Variants in KIAA1217 observed in about 807,000 individuals in gnomAD.
KIAA1217 encodes KIAA1217.
In KIAA1217, 88 loss-of-function variants were observed where a neutral mutation model predicts 163.9. That is an observed-to-expected ratio of 0.54 (90% CI 0.45 to 0.64). The LOEUF is 0.64. Ranked by LOEUF, KIAA1217 falls within the 30% of genes least tolerant of loss-of-function variation. The probability of loss-of-function intolerance (pLI) is 0.00; values close to 1 mark genes in which losing one functional copy is unlikely to be tolerated. For synonymous variants in KIAA1217, 903 were observed against 923.1 expected (o/e 0.98, Z 0.39); for missense variants, 2,372 against 2,475.0 (o/e 0.96, Z 0.88).
At chr10:23,892,900 TG>T (rs1050095917) in intron 1 of KIAA1217, among the ~76,000 whole-genome samples, 3 of 151,956 alleles carry the variant, frequency 2.0e-5, no homozygotes, top group African/African-American at 7.2e-5. Context: ...GGCTGCCTTA[TG>T]GTGCGGAAAA....
intron 2 of KIAA1217, among the ~76,000 whole-genome samples, chr10:24,121,636 T>G (rs1356916922): frequency 6.6e-6 from 1 of 152,232 alleles, no homozygotes; most frequent in Admixed American, 6.5e-5. Context: ...CATGAAAATT[T>G]TATTAGTATA....
chr10:23,906,040 G>C (rs56230337), intron 1 of KIAA1217, among the ~76,000 whole-genome samples: 17,472 of 152,058 alleles, frequency 0.11, 3,312 homozygotes, highest in African/African-American at 0.39. Flanking sequence ...TCTTGTTGCT[G>C]GTTCCTCACA....
Position 24,515,077 on chromosome 10 carries a change from A to T in KIAA1217, c.2177+1643A>T, listed in dbSNP as rs184248462. 4.5e-3 allele frequency among the ~76,000 whole-genome samples: 689 copies of T among 151,536 alleles called. 3 individuals are homozygous for T. The highest frequency in any genetic ancestry group is 0.015 in the African/African-American group (617 of 41,358). On this transcript the variant is annotated intron_variant, in intron 10 of 20. Coordinates refer to ENST00000376454, the MANE Select transcript of KIAA1217 (RefSeq NM_019590.5). ...TTTTCCAATAAAATTATGAAAAAAA[A>T]TTTTTTTGAGTTGGAGTCTTGCTCT... is the stretch of plus-strand genomic sequence containing the variant.
chr10:23,740,378 T>C (rs1275519766), intron 1 of KIAA1217, among the ~76,000 whole-genome samples: 3 of 152,110 alleles, frequency 2.0e-5, no homozygotes, highest in African/African-American at 7.2e-5. Context: ...GTTTTAGTTT[T>C]TGAAACAGGG....
At chr10:24,073,332 C>G (rs2061255482) in intron 2 of KIAA1217, among the ~76,000 whole-genome samples, 1 of 151,966 alleles carries the variant, frequency 6.6e-6, no homozygotes, top group Non-Finnish European at 1.5e-5. Context: ...GTTCACAGAG[C>G]TGTGGAAGAG....
chr10:23,724,410 C>T (rs1382633656), intron 1 of KIAA1217, among the ~76,000 whole-genome samples: 6 of 152,064 alleles, frequency 3.9e-5, no homozygotes, highest in Middle Eastern at 3.4e-3. Context: ...TTTAATTTTT[C>T]CTTCTGTGAA....
chr10:24,329,199 A>C (rs2045342608), intron 2 of KIAA1217, among the ~76,000 whole-genome samples: 1 of 147,840 alleles, frequency 6.8e-6, no homozygotes, highest in African/African-American at 2.5e-5. Context: ...CATAGTATAT[A>C]AATAGTGTAC....
chr10:24,309,038 A>T (rs1365040681), intron 2 of KIAA1217, among the ~76,000 whole-genome samples: 1 of 150,480 alleles, frequency 6.6e-6, no homozygotes, highest in Non-Finnish European at 1.5e-5. Context: ...TCGGAGGATC[A>T]CTTGAACCCA....
intron 2 of KIAA1217, among the ~76,000 whole-genome samples, chr10:24,263,718 G>A (rs1160152493): frequency 2.0e-5 from 3 of 152,066 alleles, no homozygotes; most frequent in Non-Finnish European, 4.4e-5. Flanking sequence ...GTTGAGTGGG[G>A]TTGTGTCTCT....
At chr10:24,271,051 G>A (rs1448830697) in intron 2 of KIAA1217, among the ~76,000 whole-genome samples, 1 of 152,170 alleles carries the variant, frequency 6.6e-6, no homozygotes, top group Non-Finnish European at 1.5e-5. Flanking sequence ...GAGGTTCAGT[G>A]TCATTGGAAA....
chr10:23,786,761 AC>A (rs1412512836), intron 1 of KIAA1217, among the ~76,000 whole-genome samples: 3 of 152,124 alleles, frequency 2.0e-5, no homozygotes, highest in Non-Finnish European at 4.4e-5. Context: ...GGCTCAGGGA[AC>A]CCAGAGAGCA....
intron 2 of KIAA1217, among the ~76,000 whole-genome samples, chr10:24,235,092 C>A (rs2072042633): frequency 6.6e-6 from 1 of 152,162 alleles, no homozygotes; most frequent in Non-Finnish European, 1.5e-5. Context: ...CTTTGGGGGA[C>A]CTCAGTCTTT....
At chr10:23,960,136 C>T (rs780216249) in intron 1 of KIAA1217, among the ~76,000 whole-genome samples, 1 of 151,554 alleles carries the variant, frequency 6.6e-6, no homozygotes, top group Non-Finnish European at 1.5e-5. Context: ...AGGGTGGTCT[C>T]GATCTCCTGA....
intron 4 of KIAA1217, 124 bp from the exon 5 acceptor site, chr10:24,438,262 G>A (rs573497274): frequency 2.9e-5 from 19 of 659,862 alleles, no homozygotes; most frequent in African/African-American, 1.1e-4. Flanking sequence ...TTTGACTGGC[G>A]TACTGTAGAT....
chr10:24,496,545 C>A (rs1243221848), intron 8 of KIAA1217, among the ~76,000 whole-genome samples: 7 of 152,154 alleles, frequency 4.6e-5, no homozygotes, highest in African/African-American at 1.7e-4. Context: ...CCTTTTATTT[C>A]TTTTTGCTTT....
intron 1 of KIAA1217, among the ~76,000 whole-genome samples, chr10:23,716,699 G>A (rs983445461): frequency 6.6e-6 from 1 of 152,136 alleles, no homozygotes; most frequent in Non-Finnish European, 1.5e-5. Flanking sequence ...CACCTTACTA[G>A]GAGCAGCTTT....
intron 1 of KIAA1217, among the ~76,000 whole-genome samples, chr10:23,924,415 T>C (rs1416818331): frequency 2.0e-5 from 3 of 152,144 alleles, no homozygotes; most frequent in East Asian, 1.9e-4. Context: ...GTCTTCTCTA[T>C]AAGAAGAAAA....
At chr10:23,770,058 C>A (rs1376372343) in intron 1 of KIAA1217, among the ~76,000 whole-genome samples, 1 of 152,194 alleles carries the variant, frequency 6.6e-6, no homozygotes, top group Non-Finnish European at 1.5e-5. Context: ...CACTTTCTAT[C>A]CTTCTCCATG....
chr10:24,474,271 G>T (rs1243410884), intron 6 of KIAA1217, among the ~76,000 whole-genome samples: 1 of 152,232 alleles, frequency 6.6e-6, no homozygotes, highest in African/African-American at 2.4e-5. Context: ...ATTAAGCCAT[G>T]TTCAAGAAGA....
Sources: gnomAD v4.1 joint callset for allele counts (sites outside exome capture counted in the v4.1 genomes callset) on GRCh38, gnomAD v4.1.1 for gene constraint, MANE v1.5 for transcripts, NCBI Gene and HGNC (gene_info 2026-07-23, HGNC 2026-07-21) for gene names.